GPAM: variants seen among roughly 807,000 people sequenced by gnomAD.
The protein encoded by GPAM is glycerol-3-phosphate acyltransferase 1, mitochondrial.
GPAM carries 56 observed loss-of-function variants against 105.0 expected under a neutral mutation model. The observed-to-expected ratio is 0.53, with a 90% confidence interval of 0.43 to 0.67. The LOEUF is 0.67. Among genes scored for constraint, GPAM ranks in the 30% least tolerant of loss-of-function variants. The probability of loss-of-function intolerance (pLI) is 0.00; values close to 1 mark genes in which losing one functional copy is unlikely to be tolerated. For synonymous variants in GPAM, 368 were observed against 354.4 expected (o/e 1.04, Z -0.43); for missense variants, 855 against 989.8 (o/e 0.86, Z 1.83).
chr10:112,161,065 G>A (rs542112009), intron 15 of GPAM, among the ~76,000 whole-genome samples, 197 bp from the exon 16 acceptor site: 18 of 152,230 alleles, frequency 1.2e-4, no homozygotes, highest in African/African-American at 4.1e-4. Flanking sequence ...GGAATGTCAA[G>A]GTATTACACA....
chr10:112,175,756 A>G (rs987794801), intron 5 of GPAM, 43 bp from the exon 6 acceptor site: 5 of 1,182,142 alleles, frequency 4.2e-6, no homozygotes, highest in Non-Finnish European at 6.3e-6. Flanking sequence ...GGTACCCCTA[A>G]AACAAGTTGC....
At chr10:112,204,102 G>A (rs2133298470) in intron 1 of GPAM, among the ~76,000 whole-genome samples, 1 of 152,270 alleles carries the variant, frequency 6.6e-6, no homozygotes, top group South Asian at 2.1e-4. Context: ...AAGAACCCGT[G>A]CCTAATCAGT....
chr10:112,221,267 A>T, the GPAM span, among the ~76,000 whole-genome samples: 1 of 152,170 alleles, frequency 6.6e-6, no homozygotes, highest in Non-Finnish European at 1.5e-5. Flanking sequence ...CATAATATGC[A>T]CTTGCTTACA....
intron 12 of GPAM, 130 bp from the exon 13 acceptor site, chr10:112,164,740 C>T (rs1481532636): frequency 1.5e-6 from 1 of 681,454 alleles, no homozygotes; most frequent in African/African-American, 1.8e-5. Flanking sequence ...ATGGGAAATA[C>T]TTTCTATATC....
chr10:112,155,721 A>G lies in GPAM; in HGVS notation c.2311+143T>C, dbSNP rs1847004793. ...AACTGTATCATTCAACTTATATAAC[A>G]TGCCAAAGAAGATAATAGTAATACT... On this transcript the variant is annotated intron_variant, in intron 20 of 21. Coordinates refer to ENST00000348367, the MANE Select transcript of GPAM (RefSeq NM_001244949.2). 6 of 608,690 alleles carry G rather than the reference A, an allele frequency of 9.9e-6. No individual in the cohort carries two copies. The East Asian group carries it at 1.7e-4, about 17-fold the overall frequency. The allele number at this position is 608,690 out of a possible 1,614,324, so 37.7% of individuals were successfully genotyped here. A position where few individuals can be genotyped will look rare whatever the true frequency, so the allele number is the denominator to read the frequency against.
chr10:112,210,072 T>C (rs1048672656), intron 1 of GPAM, among the ~76,000 whole-genome samples: 1 of 152,162 alleles, frequency 6.6e-6, no homozygotes, highest in African/African-American at 2.4e-5. Flanking sequence ...ACACGCAGGG[T>C]CCCTGTTTTA....
chr10:112,151,492 A>C lies in GPAM; in HGVS notation c.*2058T>G. The stretch of plus-strand genomic sequence containing the variant: ...ACAAAAAGCATGCATATTTATCCTC[A>C]CAGTGAGTTAAGTGGTGAGAGAGCT... On this transcript the variant is annotated 3_prime_UTR_variant, in exon 22 of 22. Coordinates refer to ENST00000348367, the MANE Select transcript of GPAM (RefSeq NM_001244949.2). The C allele has an allele frequency of 6.1e-6, 6 of 985,808 alleles. No individual in the cohort carries two copies. Among genetic ancestry groups the C allele is most frequent in the Non-Finnish European group, 7.2e-6 (6 of 829,880 alleles). The allele number at this position is 985,808 out of a possible 1,614,324, so 61.1% of individuals were successfully genotyped here. A position where few individuals can be genotyped will look rare whatever the true frequency, so the allele number is the denominator to read the frequency against.
At chr10:112,174,883 C>A (rs1847375805) in intron 6 of GPAM, among the ~76,000 whole-genome samples, 1 of 152,160 alleles carries the variant, frequency 6.6e-6, no homozygotes, top group Non-Finnish European at 1.5e-5. Flanking sequence ...CAGGCCTTAA[C>A]AAACATAACG....
intron 1 of GPAM, among the ~76,000 whole-genome samples, chr10:112,209,376 G>A (rs1282349406): frequency 6.6e-6 from 1 of 151,876 alleles, no homozygotes; most frequent in Non-Finnish European, 1.5e-5. Flanking sequence ...TGTCTGGGTA[G>A]TGGAAGGGGC....
chr10:112,190,834 G>T (rs1847649110), intron 1 of GPAM, among the ~76,000 whole-genome samples: 1 of 152,072 alleles, frequency 6.6e-6, no homozygotes, highest in Non-Finnish European at 1.5e-5. Context: ...TTTTAGAGAA[G>T]GCAGAATCTT....
intron 9 of GPAM, among the ~76,000 whole-genome samples, chr10:112,170,213 G>A (rs999189822): frequency 6.6e-6 from 1 of 152,178 alleles, no homozygotes; most frequent in African/African-American, 2.4e-5. Flanking sequence ...GTAAATAGAA[G>A]GAGGCCACAG....
chr10:112,156,037 T>A lies in GPAM; in HGVS notation c.2138A>T (p.Glu713Val), dbSNP rs1157431660. Reference protein sequence around the residue: ...DCYLKVSQSKEHQQFITFLQR... With the variant: ...DCYLKVSQSKVHQQFITFLQR... ...TAAGAAGGTGATAAACTGCTGGTGC[T>A]CCTTGGATTGGCTCACCTGAGTGTG... is the stretch of plus-strand genomic sequence containing the variant. The change falls in exon 20 of 22, where the codon GAG becomes GTG. Residue 713 changes from glutamate to valine, a missense_variant. By Grantham distance (121) the Glu-to-Val change is moderately radical (BLOSUM62 -2). Transcript: ENST00000348367. 1.2e-6 allele frequency: 2 copies of A among 1,612,542 alleles called. No individual in the cohort carries two copies. The highest frequency in any genetic ancestry group is 2.2e-5 in the South Asian group (2 of 90,974).
At chr10:112,192,891 T>C (rs1380727983) in intron 1 of GPAM, among the ~76,000 whole-genome samples, 1 of 152,144 alleles carries the variant, frequency 6.6e-6, no homozygotes, top group African/African-American at 2.4e-5. Flanking sequence ...TCAGGAGCTA[T>C]GTTGTATGCA....
upstream of GPAM, among the ~76,000 whole-genome samples, chr10:112,184,182 G>C (rs1036306964): frequency 3.3e-5 from 5 of 152,176 alleles, no homozygotes; most frequent in Admixed American, 3.3e-4. Context: ...TTCTACCAAA[G>C]TGGCTGAGTG....
chr10:112,226,483 C>A, the GPAM span, among the ~76,000 whole-genome samples: 1 of 152,118 alleles, frequency 6.6e-6, no homozygotes, highest in Non-Finnish European at 1.5e-5. Flanking sequence ...CCCAGTTGCA[C>A]CCTGTGTTGG....
chr10:112,188,138 A>C (rs955421584), upstream of GPAM, among the ~76,000 whole-genome samples: 5 of 152,160 alleles, frequency 3.3e-5, no homozygotes, highest in Admixed American at 6.5e-5. Flanking sequence ...AAAAGTATAA[A>C]TTAAACCCAA....
intron 4 of GPAM, among the ~76,000 whole-genome samples, chr10:112,178,742 A>C (rs992535341): frequency 7.9e-5 from 12 of 152,158 alleles, no homozygotes; most frequent in African/African-American, 2.9e-4. Flanking sequence ...TTGCTTACTA[A>C]ATCTCCCAAA....
chr10:112,170,357 A>C (rs139292510), intron 9 of GPAM, among the ~76,000 whole-genome samples: 27 of 152,348 alleles, frequency 1.8e-4, no homozygotes, highest in African/African-American at 6.3e-4. Context: ...GTAACAAAAG[A>C]AAGCTGCACA....
intron 7 of GPAM, 132 bp from the exon 8 acceptor site, chr10:112,173,198 G>A: frequency 1.4e-6 from 1 of 703,602 alleles, no homozygotes; most frequent in Non-Finnish European, 2.6e-6. Flanking sequence ...AAATGACTTA[G>A]TGTGTGTGCA....
Sources: allele counts gnomAD v4.1 joint callset (sites outside exome capture counted in the v4.1 genomes callset), GRCh38; gene constraint gnomAD v4.1.1; transcripts MANE v1.5; gene names NCBI Gene and HGNC (gene_info 2026-07-23, HGNC 2026-07-21).